Variants in ARID4B observed in about 807,000 individuals in gnomAD.
ARID4B encodes AT-rich interactive domain-containing protein 4B.
A neutral mutation model predicts 147.5 loss-of-function variants in ARID4B; 26 were observed. The ratio of observed to expected loss-of-function variants is 0.18; its 90% CI spans 0.13 to 0.24. ARID4B has a LOEUF of 0.24. ARID4B is among the 10% of genes least tolerant of loss of function. The probability of loss-of-function intolerance (pLI) is 1.00; values close to 1 mark genes in which losing one functional copy is unlikely to be tolerated. For synonymous variants in ARID4B, 512 were observed against 507.9 expected (o/e 1.01, Z -0.11); for missense variants, 1,179 against 1,511.5 (o/e 0.78, Z 3.65).
chr1:235,240,600 T>TA (rs1668920934), intron 7 of ARID4B, 149 bp from the exon 8 acceptor site: 3 of 741,610 alleles, frequency 4.0e-6, no homozygotes, highest in Non-Finnish European at 6.5e-6. Flanking sequence ...TCTAAATTTC[T>TA]AAAAAATAAC....
chr1:235,257,152 T>C lies in ARID4B; in HGVS notation c.183+8A>G, dbSNP rs1296383125. The C allele has an allele frequency of 6.3e-7, 1 of 1,594,154 alleles. No individual in the cohort carries two copies. Among genetic ancestry groups the C allele is most frequent in the Admixed American group, 1.7e-5 (1 of 59,942 alleles). ...ACCATTAGAATTAACAATGAATACA[T>C]GAATTACCTTTAGTGGGCCCTTTAT... On this transcript the variant is annotated splice_region_variant and intron_variant, in intron 4 of 23. Coordinates refer to ENST00000264183, the MANE Select transcript of ARID4B (RefSeq NM_016374.6).
chr1:235,234,614 G>T, intron 8 of ARID4B, 122 bp from the exon 9 acceptor site: 2 of 642,048 alleles, frequency 3.1e-6, no homozygotes, highest in Non-Finnish European at 5.2e-6. Flanking sequence ...TAGTTTGAGG[G>T]TAAACAGGCA....
intron 4 of ARID4B, among the ~76,000 whole-genome samples, chr1:235,256,130 C>T (rs1343219512): frequency 4.3e-5 from 6 of 138,844 alleles, no homozygotes; most frequent in African/African-American, 1.1e-4. Context: ...GCCGAGATCG[C>T]GCCACTGCAC....
intron 9 of ARID4B, among the ~76,000 whole-genome samples, chr1:235,231,429 C>A (rs931147635): frequency 1.3e-5 from 2 of 152,154 alleles, no homozygotes; most frequent in Admixed American, 1.3e-4. Context: ...TAAACACCAA[C>A]GTGTTCCCAA....
intron 2 of ARID4B, among the ~76,000 whole-genome samples, chr1:235,307,745 TA>T (rs1008680878): frequency 6.6e-6 from 1 of 152,234 alleles, no homozygotes; most frequent in African/African-American, 2.4e-5. Flanking sequence ...TGTGGCAATA[TA>T]ACCAGAGGAT....
At chr1:235,214,913 C>T (rs1666957283) in intron 16 of ARID4B, among the ~76,000 whole-genome samples, 1 of 141,768 alleles carries the variant, frequency 7.1e-6, no homozygotes, top group South Asian at 2.2e-4. Context: ...GCAATCTCGG[C>T]TCACTGCAAC....
At chr1:235,302,181 C>CA (rs1364335066) in intron 2 of ARID4B, among the ~76,000 whole-genome samples, 385 of 38,076 alleles carry the variant, frequency 0.01, 4 homozygotes, top group African/African-American at 0.032. Context: ...AAAAAAACAG[C>CA]AAAAAAAAAC....
chr1:235,314,139 T>C (rs1674271523), intron 2 of ARID4B, among the ~76,000 whole-genome samples: 1 of 151,948 alleles, frequency 6.6e-6, no homozygotes, highest in South Asian at 2.1e-4. Context: ...ACACCAGTCT[T>C]CTTGGAAAGT....
At chr1:235,296,201 T>A (rs1351491143) in intron 2 of ARID4B, 4 of 158,632 alleles carry the variant, frequency 2.5e-5, no homozygotes, top group African/African-American at 9.6e-5. Context: ...AAATACCAGA[T>A]CAAACAGGCT....
At chr1:235,268,899 G>C (rs1254743011) in intron 2 of ARID4B, among the ~76,000 whole-genome samples, 3 of 152,214 alleles carry the variant, frequency 2.0e-5, no homozygotes, top group African/African-American at 7.2e-5. Flanking sequence ...AGAAAGTAAA[G>C]AAATGGTGCG....
chr1:235,324,782 C>T (rs1028655809), intron 2 of ARID4B, among the ~76,000 whole-genome samples: 1 of 152,140 alleles, frequency 6.6e-6, no homozygotes, highest in South Asian at 2.1e-4. Flanking sequence ...ACAAAAACTA[C>T]AAAAATTAGC....
chr1:235,207,817 C>T (rs1666418352), intron 17 of ARID4B, among the ~76,000 whole-genome samples: 1 of 152,200 alleles, frequency 6.6e-6, no homozygotes, highest in Non-Finnish European at 1.5e-5. Flanking sequence ...TCCCCTAACT[C>T]ATTCCCTCCT....
intron 8 of ARID4B, among the ~76,000 whole-genome samples, chr1:235,236,833 A>AAAAATATATATATATATATATAT (rs1175189621): frequency 3.0e-5 from 1 of 33,520 alleles, no homozygotes; most frequent in Non-Finnish European, 4.7e-5. Context: ...TTTTATAAAA[A>AAAAATATATATATATATATATAT]ATATATATAT....
intron 12 of ARID4B, 62 bp downstream of exon 12, chr1:235,224,641 T>G: frequency 8.6e-7 from 1 of 1,165,192 alleles, no homozygotes; most frequent in Admixed American, 2.1e-5. Context: ...CTATTCTTAT[T>G]TTTAAGATAC....
At chr1:235,207,530 A>G (rs1666386683) in intron 17 of ARID4B, among the ~76,000 whole-genome samples, 1 of 152,200 alleles carries the variant, frequency 6.6e-6, no homozygotes, top group Admixed American at 6.5e-5. Context: ...CAGGGAATGT[A>G]AGCAATATCA....
intron 2 of ARID4B, among the ~76,000 whole-genome samples, chr1:235,303,359 A>C (rs1673322387): frequency 6.6e-6 from 1 of 151,942 alleles, no homozygotes. Context: ...TCCTTTTTTA[A>C]ATTAAAAACT....
intron 3 of ARID4B, among the ~76,000 whole-genome samples, chr1:235,260,376 T>G (rs552163882): frequency 6.6e-6 from 1 of 152,202 alleles, no homozygotes; most frequent in Non-Finnish European, 1.5e-5. Flanking sequence ...ACTAGATGAC[T>G]TCTAACTTCC....
intron 2 of ARID4B, among the ~76,000 whole-genome samples, chr1:235,284,084 C>T (rs1408039926): frequency 2.6e-5 from 4 of 152,050 alleles, no homozygotes; most frequent in South Asian, 2.1e-4. Flanking sequence ...AAGGCCAGGC[C>T]GGCACAGTGG....
Position 235,273,616 on chromosome 1 carries a change from T to C in ARID4B, c.7-12864A>G, listed in dbSNP as rs190131985. 5.9e-5 allele frequency among the ~76,000 whole-genome samples: 9 copies of C among 152,362 alleles called. No individual in the cohort carries two copies. The East Asian group carries it at 1.3e-3, about 23-fold the overall frequency. On this transcript the variant is annotated intron_variant, in intron 2 of 23. Coordinates refer to ENST00000264183, the MANE Select transcript of ARID4B (RefSeq NM_016374.6). ...TTGTACCTGATAAAATGTAGTCATATAGTAGCTAAGAATTATTTATTCTTA... is the reference window on the plus strand; with the variant it reads ...TTGTACCTGATAAAATGTAGTCATACAGTAGCTAAGAATTATTTATTCTTA...
Sources: allele counts gnomAD v4.1 joint callset (sites outside exome capture counted in the v4.1 genomes callset), GRCh38; gene constraint gnomAD v4.1.1; transcripts MANE v1.5; gene names NCBI Gene and HGNC (gene_info 2026-07-23, HGNC 2026-07-21).